SMIM31: variants seen among roughly 807,000 people sequenced by gnomAD.
SMIM31 encodes the protein small integral membrane protein 31.
rs1733309016 is a variant in SMIM31 at position 164,803,172 on chromosome 4, T to C, written c.*1978T>C. 1 of 152,150 alleles carries C rather than the reference T, an allele frequency of 6.6e-6. No individual in the cohort carries two copies. Among genetic ancestry groups the C allele is most frequent in the Non-Finnish European group, 1.5e-5 (1 of 68,032 alleles). The allele number at this position is 152,150 out of a possible 1,614,324, so 9.4% of individuals were successfully genotyped here. Reference sequence around the variant, plus strand: ...ACGTTTTTTCAGAAAAGCAGAAAAATCAACAACATGGTTTCAAATACTTGG... The same window carrying C: ...ACGTTTTTTCAGAAAAGCAGAAAAACCAACAACATGGTTTCAAATACTTGG... On this transcript the variant is annotated 3_prime_UTR_variant, in exon 3 of 3. Transcript: ENST00000507311.
chr4:164,766,332 C>T (rs1732720066), intron 1 of SMIM31, among the ~76,000 whole-genome samples: 1 of 152,150 alleles, frequency 6.6e-6, no homozygotes, highest in Non-Finnish European at 1.5e-5. Context: ...CAGAGTTTTG[C>T]ATCAACTTGC....
intron 2 of SMIM31, among the ~76,000 whole-genome samples, chr4:164,776,529 A>G (rs768251012): frequency 5.3e-5 from 8 of 152,216 alleles, no homozygotes; most frequent in Non-Finnish European, 1.2e-4. Flanking sequence ...TCACATAAAA[A>G]TACAATTCTT....
chr4:164,794,237 G>A (rs1223009558), intron 2 of SMIM31, among the ~76,000 whole-genome samples: 1 of 151,968 alleles, frequency 6.6e-6, no homozygotes, highest in African/African-American at 2.4e-5. Flanking sequence ...AATTTAGTTG[G>A]TAGCAGTGGT....
intron 1 of SMIM31, among the ~76,000 whole-genome samples, chr4:164,768,703 C>A (rs1322665515): frequency 1.3e-5 from 2 of 152,102 alleles, no homozygotes; most frequent in Non-Finnish European, 2.9e-5. Context: ...ACCTATAGCA[C>A]TTAAAAACCA....
At chr4:164,764,232 G>T (rs1167554729) in intron 1 of SMIM31, among the ~76,000 whole-genome samples, 1 of 151,944 alleles carries the variant, frequency 6.6e-6, no homozygotes, top group Non-Finnish European at 1.5e-5. Context: ...TTTAAATGAG[G>T]CCTGACCGGC....
At chr4:164,776,769 C>A (rs1176015299) in intron 2 of SMIM31, among the ~76,000 whole-genome samples, 2 of 152,128 alleles carry the variant, frequency 1.3e-5, no homozygotes, top group Non-Finnish European at 2.9e-5. Context: ...ATACCTAGAG[C>A]TTATTTCTTT....
At chr4:164,788,048 A>G (rs1318361644) in intron 2 of SMIM31, among the ~76,000 whole-genome samples, 3 of 152,168 alleles carry the variant, frequency 2.0e-5, no homozygotes, top group Admixed American at 6.5e-5. Flanking sequence ...AGTTTTACAC[A>G]ATATATATTA....
At chr4:164,777,894 A>G (rs1732897707) in intron 2 of SMIM31, among the ~76,000 whole-genome samples, 1 of 152,264 alleles carries the variant, frequency 6.6e-6, no homozygotes, top group African/African-American at 2.4e-5. Context: ...GAATTCATTT[A>G]GATATTACAT....
chr4:164,788,506 T>TTTTTTTTTTTTTTTTTA (rs1733058489), intron 2 of SMIM31, among the ~76,000 whole-genome samples: 2 of 131,300 alleles, frequency 1.5e-5, no homozygotes, highest in Non-Finnish European at 3.2e-5. Flanking sequence ...TTTTTTTTTT[T>TTTTTTTTTTTTTTTTTA]GAGACGGAGT....
At chr4:164,772,325 C>T (rs1205080168) in intron 2 of SMIM31, among the ~76,000 whole-genome samples, 18 of 152,146 alleles carry the variant, frequency 1.2e-4, no homozygotes, top group Admixed American at 1.2e-3. Flanking sequence ...GGTGTTAAAT[C>T]ATGAGAAACT....
chr4:164,785,038 A>T (rs1733009618), intron 2 of SMIM31, among the ~76,000 whole-genome samples: 1 of 152,054 alleles, frequency 6.6e-6, no homozygotes, highest in Non-Finnish European at 1.5e-5. Flanking sequence ...AGCTTGGGCA[A>T]CGTGGCAAAA....
At chr4:164,789,826 G>A (rs1280757825) in intron 2 of SMIM31, among the ~76,000 whole-genome samples, 1 of 152,122 alleles carries the variant, frequency 6.6e-6, no homozygotes, top group African/African-American at 2.4e-5. Flanking sequence ...GAAAACTGAA[G>A]TTAATGTTTC....
chr4:164,761,533 C>G (rs1732650109), intron 1 of SMIM31, among the ~76,000 whole-genome samples: 1 of 152,134 alleles, frequency 6.6e-6, no homozygotes, highest in Non-Finnish European at 1.5e-5. Context: ...AGAGTTGGGT[C>G]AATTCTACTG....
At chr4:164,754,875 A>G (rs1483358361) in intron 1 of SMIM31, among the ~76,000 whole-genome samples, 3 of 142,650 alleles carry the variant, frequency 2.1e-5, no homozygotes, top group Non-Finnish European at 4.6e-5. Flanking sequence ...GTAGTTAAAT[A>G]ATTATTTAAG....
At chr4:164,758,410 T>C (rs1199826923) in intron 1 of SMIM31, among the ~76,000 whole-genome samples, 1 of 152,148 alleles carries the variant, frequency 6.6e-6, no homozygotes, top group Admixed American at 6.5e-5. Context: ...GTAAGTTGGA[T>C]AGAAATGACT....
chr4:164,770,193 T>C (rs1732775053), intron 1 of SMIM31, among the ~76,000 whole-genome samples: 1 of 151,274 alleles, frequency 6.6e-6, no homozygotes, highest in Admixed American at 6.6e-5. Flanking sequence ...ACCATTCAGA[T>C]TTCTAGGCTC....
At chr4:164,768,021 C>G (rs1471254876) in intron 1 of SMIM31, among the ~76,000 whole-genome samples, 1 of 151,748 alleles carries the variant, frequency 6.6e-6, no homozygotes, top group Non-Finnish European at 1.5e-5. Flanking sequence ...TTGCTTGAAC[C>G]CAGGAGTTTG....
chr4:164,755,750 GTC>G (rs1257782102), intron 1 of SMIM31, among the ~76,000 whole-genome samples: 2 of 152,030 alleles, frequency 1.3e-5, no homozygotes, highest in Non-Finnish European at 2.9e-5. Flanking sequence ...TTTCACACCA[GTC>G]TCTGGTGGGA....
At chr4:164,774,012 A>C (rs1732848471) in intron 2 of SMIM31, among the ~76,000 whole-genome samples, 1 of 151,920 alleles carries the variant, frequency 6.6e-6, no homozygotes, top group South Asian at 2.1e-4. Flanking sequence ...TAAAAACACA[A>C]AAAATTAGCC....
Sources: gnomAD v4.1 joint callset for allele counts (sites outside exome capture counted in the v4.1 genomes callset) on GRCh38, gnomAD v4.1.1 for gene constraint, MANE v1.5 for transcripts, NCBI Gene and HGNC (gene_info 2026-07-23, HGNC 2026-07-21) for gene names.